The following EYS variants were observed in gnomAD, a reference collection of about 807,000 sequenced individuals.
The protein encoded by EYS is protein eyes shut homolog.
EYS carries 250 observed loss-of-function variants against 282.1 expected under a neutral mutation model. The ratio of observed to expected loss-of-function variants is 0.89; its 90% CI spans 0.80 to 0.98. EYS has a LOEUF of 0.98. EYS is among the 50% of genes least tolerant of loss of function. The pLI, the probability that EYS is intolerant of heterozygous loss-of-function variation, is 0.00. For missense variants in EYS, 4,016 were observed against 3,709.0 expected (o/e 1.08, Z -2.15); for synonymous variants, 1,355 against 1,282.9 (o/e 1.06, Z -1.20).
At chr6:64,784,532 C>T (rs890158188) in intron 22 of EYS, among the ~76,000 whole-genome samples, 2 of 152,130 alleles carry the variant, frequency 1.3e-5, no homozygotes, top group Admixed American at 1.3e-4. Flanking sequence ...TTTTTGACTG[C>T]TTTACTCATT....
intron 28 of EYS, among the ~76,000 whole-genome samples, chr6:64,418,287 C>T (rs1252260432): frequency 6.6e-6 from 1 of 152,210 alleles, no homozygotes; most frequent in Non-Finnish European, 1.5e-5. Context: ...ATTGAATACA[C>T]TTGATACATA....
At chr6:65,634,481 C>T (rs747315348) in intron 2 of EYS, among the ~76,000 whole-genome samples, 1 of 152,118 alleles carries the variant, frequency 6.6e-6, no homozygotes, top group Non-Finnish European at 1.5e-5. Flanking sequence ...ACTCCCTTAG[C>T]GATCTTATAT....
intron 18 of EYS, among the ~76,000 whole-genome samples, chr6:64,895,410 T>G (rs1767428129): frequency 6.6e-6 from 1 of 152,252 alleles, no homozygotes; most frequent in Non-Finnish European, 1.5e-5. Context: ...TTTCTTAAAT[T>G]GGCCTACCCA....
intron 5 of EYS, among the ~76,000 whole-genome samples, chr6:65,485,753 C>T (rs1044550765): frequency 2.0e-5 from 3 of 151,926 alleles, no homozygotes; most frequent in South Asian, 2.1e-4. Flanking sequence ...TGCAGTGAGC[C>T]GAGATTCACC....
intron 12 of EYS, among the ~76,000 whole-genome samples, chr6:65,202,492 G>C (rs1180229236): frequency 6.6e-6 from 1 of 152,126 alleles, no homozygotes. Context: ...CTAGCGGCTA[G>C]AGGACAAACC....
chr6:64,768,965 A>G (rs1489420799), intron 22 of EYS, among the ~76,000 whole-genome samples: 1 of 152,102 alleles, frequency 6.6e-6, no homozygotes, highest in Non-Finnish European at 1.5e-5. Flanking sequence ...TTGTGTATGA[A>G]TGGAGCTAGA....
At chr6:64,761,194 T>C (rs963036093) in intron 22 of EYS, among the ~76,000 whole-genome samples, 1 of 152,190 alleles carries the variant, frequency 6.6e-6, no homozygotes, top group East Asian at 1.9e-4. Flanking sequence ...GAGAGATTTA[T>C]GTGGAGCAGT....
intron 19 of EYS, among the ~76,000 whole-genome samples, chr6:64,878,063 T>C (rs1283686434): frequency 6.6e-6 from 1 of 151,980 alleles, no homozygotes; most frequent in Non-Finnish European, 1.5e-5. Flanking sequence ...TGAAACCCCA[T>C]CTTTACTAAA....
At chr6:65,334,201 G>T (rs915939221) in intron 11 of EYS, among the ~76,000 whole-genome samples, 3 of 151,112 alleles carry the variant, frequency 2.0e-5, no homozygotes, top group African/African-American at 7.3e-5. Context: ...TTTTTTCATT[G>T]TAATTATTCT....
At position 65,280,804 on chromosome 6, in the gene EYS, G is replaced by A. The variant is rs187111150; in HGVS notation, c.2023+15059C>T. Among the ~76,000 whole-genome samples, 291 of 150,596 alleles carry A rather than the reference G, an allele frequency of 1.9e-3. 2 individuals are homozygous for A. Among genetic ancestry groups the A allele is most frequent in the Middle Eastern group, 3.4e-3 (1 of 290 alleles). The stretch of plus-strand genomic sequence containing the variant: ...AGGCCAAGGTGGGCGGATCGCCTGA[G>A]GTCAGGAGTTCGAGACAAGCCTGAC... On this transcript the variant is annotated intron_variant, in intron 12 of 42. Transcript: ENST00000503581.
At chr6:65,277,116 A>T (rs755123039) in intron 12 of EYS, among the ~76,000 whole-genome samples, 3 of 152,114 alleles carry the variant, frequency 2.0e-5, no homozygotes, top group Non-Finnish European at 2.9e-5. Context: ...TGGAGTCCTC[A>T]CGAATGGGAT....
At chr6:65,546,530 C>A (rs9345648) in intron 2 of EYS, among the ~76,000 whole-genome samples, 31,534 of 151,728 alleles carry the variant, frequency 0.21, 3,684 homozygotes, top group East Asian at 0.31. Flanking sequence ...CTCCACTAGA[C>A]AACATTCATT....
chr6:63,951,390 C>T (rs1323206087), intron 35 of EYS, among the ~76,000 whole-genome samples: 1 of 152,154 alleles, frequency 6.6e-6, no homozygotes, highest in Non-Finnish European at 1.5e-5. Context: ...GATGTCCAGG[C>T]ATTCTTTTAC....
rs142791529 is a variant in EYS at position 64,829,911 on chromosome 6, C to T, written c.2993-7089G>A. Among the ~76,000 whole-genome samples the T allele has an allele frequency of 6.4e-3, 971 of 151,974 alleles. 2 individuals carry two copies. Among genetic ancestry groups the T allele is most frequent in the Middle Eastern group, 0.014 (4 of 294 alleles). The stretch of plus-strand genomic sequence containing the variant: ...CTGATTACCAGGGGAGGGACCCTTG[C>T]GCTAGAGAATACCACTAGAATCCCT... On this transcript the variant is annotated intron_variant, in intron 19 of 42. Transcript: ENST00000503581.
intron 26 of EYS, among the ~76,000 whole-genome samples, chr6:64,495,132 TAAAG>T (rs928336870): frequency 6.6e-6 from 1 of 151,668 alleles, no homozygotes; most frequent in African/African-American, 2.4e-5. Context: ...GCTAAGATAA[TAAAG>T]AACAGATTGC....
chr6:64,428,213 GC>G (rs781430764), intron 28 of EYS, among the ~76,000 whole-genome samples: 9 of 151,950 alleles, frequency 5.9e-5, no homozygotes, highest in Non-Finnish European at 1.3e-4. Context: ...TCACAGGAAG[GC>G]TTTCTGAAAC....
intron 26 of EYS, among the ~76,000 whole-genome samples, chr6:64,532,332 C>A (rs1349239393): frequency 1.3e-5 from 2 of 152,178 alleles, no homozygotes; most frequent in Admixed American, 6.5e-5. Flanking sequence ...TAACTCGAAA[C>A]CAAACTGAGA....
chr6:64,095,918 CTT>C (rs1772592229), intron 31 of EYS, among the ~76,000 whole-genome samples: 1 of 152,166 alleles, frequency 6.6e-6, no homozygotes, highest in East Asian at 1.9e-4. Flanking sequence ...ATGTTTAGAG[CTT>C]CCTTCAGGAG....
intron 2 of EYS, among the ~76,000 whole-genome samples, chr6:65,635,035 C>A (rs993869145): frequency 3.3e-5 from 5 of 152,172 alleles, no homozygotes; most frequent in Non-Finnish European, 5.9e-5. Context: ...TTTAACTGAA[C>A]TGATCTAGTT....
Sources: allele counts gnomAD v4.1 joint callset (sites outside exome capture counted in the v4.1 genomes callset), GRCh38; gene constraint gnomAD v4.1.1; transcripts MANE v1.5; gene names NCBI Gene and HGNC (gene_info 2026-07-23, HGNC 2026-07-21).